Variants in ENTPD1 observed in about 807,000 individuals in gnomAD.
ENTPD1 encodes the protein ATP diphosphohydrolase.
A neutral mutation model predicts 57.0 loss-of-function variants in ENTPD1; 33 were observed. That is an observed-to-expected ratio of 0.58 (90% CI 0.44 to 0.77). ENTPD1 has a LOEUF of 0.77. Among genes scored for constraint, ENTPD1 ranks in the 30% least tolerant of loss-of-function variants. ENTPD1 has a pLI of 0.00. For missense variants in ENTPD1, 501 were observed against 603.4 expected, an observed-to-expected ratio of 0.83 and a Z score of 1.78; for synonymous variants, 202 against 218.8, an observed-to-expected ratio of 0.92 and a Z score of 0.68.
chr10:95,726,163 T>C (rs928607462), intron 1 of ENTPD1, among the ~76,000 whole-genome samples: 1 of 152,266 alleles, frequency 6.6e-6, no homozygotes, highest in Non-Finnish European at 1.5e-5. Context: ...CAATTTCTGG[T>C]GCACTGAAAT....
chr10:95,705,277 A>ATGTGTGTG, the ENTPD1 span, among the ~76,000 whole-genome samples: 11,810 of 149,974 alleles, frequency 0.079, 495 homozygotes, highest in South Asian at 0.11. Context: ...CCAGTAGAAA[A>ATGTGTGTG]TGTGTGTGTG....
intron 9 of ENTPD1, among the ~76,000 whole-genome samples, 191 bp downstream of exon 9, chr10:95,865,052 C>T (rs992910524): frequency 6.6e-6 from 1 of 152,174 alleles, no homozygotes; most frequent in African/African-American, 2.4e-5. Context: ...TGTGAGCATC[C>T]TCGCTAAGGA....
Position 95,845,478 on chromosome 10 carries a change from C to A in ENTPD1, c.695C>A (p.Ser232Tyr). Residue 232 changes from serine (S) to tyrosine (Y), a missense_variant, in exon 6 of 10, where the codon TCC becomes TAC. Transcript: ENST00000371205. ...GTACCCCAAAACCAGACTATCGAGT[C>A]CCCAGATAATGCTCTGCAATTTCGC... ...TFVPQNQTIESPDNALQFRLY... is the reference protein window; with the variant it reads ...TFVPQNQTIEYPDNALQFRLY... The A allele has an allele frequency of 6.2e-7, 1 of 1,614,186 alleles. No individual in the cohort carries two copies. The highest frequency in any genetic ancestry group is 1.3e-5 in the African/African-American group (1 of 75,046).
chr10:95,774,008 T>A (rs2098124802), intron 1 of ENTPD1, among the ~76,000 whole-genome samples: 1 of 152,238 alleles, frequency 6.6e-6, no homozygotes, highest in Non-Finnish European at 1.5e-5. Context: ...GTTTCCTGAC[T>A]TTTTAATGAT....
At chr10:95,830,551 A>G (rs1398302800) in intron 2 of ENTPD1, among the ~76,000 whole-genome samples, 1 of 152,158 alleles carries the variant, frequency 6.6e-6, no homozygotes, top group Non-Finnish European at 1.5e-5. Flanking sequence ...CACTCCTGTA[A>G]TCCCAGCATT....
chr10:95,767,829 C>T (rs532790764), intron 1 of ENTPD1, among the ~76,000 whole-genome samples: 1 of 152,174 alleles, frequency 6.6e-6, no homozygotes, highest in African/African-American at 2.4e-5. Flanking sequence ...TTGAATATGT[C>T]CCCCCAAAAG....
intron 1 of ENTPD1, among the ~76,000 whole-genome samples, chr10:95,806,867 C>T (rs1035175311): frequency 2.0e-5 from 3 of 151,642 alleles, no homozygotes; most frequent in Non-Finnish European, 4.4e-5. Context: ...GCTGCCTGAT[C>T]CTTCCTCTGG....
Position 95,873,470 on chromosome 10 carries a change from G to A in ENTPD1, c.*7087G>A. The A allele has an allele frequency of 1.0e-6, 1 of 985,486 alleles. No individual in the cohort carries two copies. The highest frequency in any genetic ancestry group is 1.2e-6 in the Non-Finnish European group (1 of 830,008). 61.0% of individuals were successfully genotyped at this position (985,486 alleles called of 1,614,324 possible). A position where few individuals can be genotyped will look rare whatever the true frequency, so the allele number is the denominator to read the frequency against. The stretch of plus-strand genomic sequence containing the variant: ...AAGAGGGATTTCTTCCAGCTCTCTT[G>A]CCCTGGTCTTCAGTGTATTAGATGT... On this transcript the variant is annotated 3_prime_UTR_variant, in exon 10 of 10. Coordinates refer to ENST00000371205, the MANE Select transcript of ENTPD1 (RefSeq NM_001776.6).
At chr10:95,864,444 G>C (rs1416755903) in intron 8 of ENTPD1, among the ~76,000 whole-genome samples, 1 of 152,190 alleles carries the variant, frequency 6.6e-6, no homozygotes, top group Non-Finnish European at 1.5e-5. Context: ...TAGTGTTTCA[G>C]AACCTACTAG....
rs142329357 is a variant in ENTPD1, at chr10:95,837,956, T to TCACACACACACA, written c.145-1719_145-1708dup. On this transcript the variant is annotated intron_variant, in intron 2 of 9. Coordinates refer to ENST00000371205, the MANE Select transcript of ENTPD1 (RefSeq NM_001776.6). The stretch of plus-strand genomic sequence containing the variant: ...ACCTAGCTTATATATGTAGGGAGAT[T>TCACACACACACA]CACACACACACACACACACACACAC... 2.2e-3 allele frequency among the ~76,000 whole-genome samples: 330 copies of TCACACACACACA among 146,924 alleles called. 1 individual carries two copies. The highest frequency in any genetic ancestry group is 3.7e-3 in the Admixed American group (54 of 14,696).
intron 1 of ENTPD1, chr10:95,785,059 C>T (rs2098173635): frequency 6.6e-6 from 1 of 152,010 alleles, no homozygotes; most frequent in Non-Finnish European, 1.5e-5. Context: ...GGCAGAGCAG[C>T]AGCCCAAATG....
chr10:95,843,655 T>TA (rs2098426979), intron 4 of ENTPD1, among the ~76,000 whole-genome samples: 3 of 152,154 alleles, frequency 2.0e-5, no homozygotes, highest in Admixed American at 2.0e-4. Context: ...GAGTTTATCT[T>TA]AGAGATAGTA....
At chr10:95,809,660 C>T (rs1197444243) in intron 1 of ENTPD1, among the ~76,000 whole-genome samples, 1 of 147,756 alleles carries the variant, frequency 6.8e-6, no homozygotes, top group Non-Finnish European at 1.5e-5. Flanking sequence ...AGAGGTGCTC[C>T]CCACCTCCCA....
chr10:95,871,348 C>G lies in ENTPD1; in HGVS notation c.*4965C>G. 1.0e-6 allele frequency: 1 copy of G among 985,386 alleles called. No homozygotes were observed. Among genetic ancestry groups the G allele is most frequent in the Non-Finnish European group, 1.2e-6 (1 of 829,876 alleles). 61.0% of individuals were successfully genotyped at this position (985,386 alleles called of 1,614,324 possible). ...AAAAATGTCATTACTTCTAAGACAT[C>G]ATCAGTCTGCAACTTCTTTCCATAG... On this transcript the variant is annotated 3_prime_UTR_variant, in exon 10 of 10. Coordinates refer to ENST00000371205, the MANE Select transcript of ENTPD1 (RefSeq NM_001776.6).
At chr10:95,758,634 C>G (rs2098041412) in intron 1 of ENTPD1, among the ~76,000 whole-genome samples, 1 of 152,138 alleles carries the variant, frequency 6.6e-6, no homozygotes, top group African/African-American at 2.4e-5. Context: ...TCTGTATTCA[C>G]CTTTAGATCT....
intron 1 of ENTPD1, chr10:95,756,547 C>T (rs2098025523): frequency 2.3e-6 from 1 of 427,184 alleles, no homozygotes; most frequent in Non-Finnish European, 4.2e-6. Context: ...ATGACTTTTT[C>T]AGTCCCCTTG....
intron 2 of ENTPD1, among the ~76,000 whole-genome samples, chr10:95,830,999 C>G (rs2098394962): frequency 6.6e-6 from 1 of 152,090 alleles, no homozygotes; most frequent in African/African-American, 2.4e-5. Flanking sequence ...CTGCCATGGT[C>G]TAGGCAAGGC....
Position 95,868,974 on chromosome 10 carries a change from G to T in ENTPD1, c.*2591G>T. The T allele has an allele frequency of 5.1e-6, 5 of 985,328 alleles. No homozygotes were observed. The highest frequency in any genetic ancestry group is 6.0e-6 in the Non-Finnish European group (5 of 829,906). 61.0% of individuals were successfully genotyped at this position (985,328 alleles called of 1,614,324 possible). A position where few individuals can be genotyped will look rare whatever the true frequency, so the allele number is the denominator to read the frequency against. The stretch of plus-strand genomic sequence containing the variant: ...CCCCAATTATTTTGGCAGGAAGGTT[G>T]GTTTAGAGGCAGATCCAGCAATCTG... On this transcript the variant is annotated 3_prime_UTR_variant, in exon 10 of 10. Transcript: ENST00000371205.
intron 1 of ENTPD1, among the ~76,000 whole-genome samples, chr10:95,819,922 C>A (rs2098343152): frequency 6.6e-6 from 1 of 152,310 alleles, no homozygotes; most frequent in East Asian, 1.9e-4. Flanking sequence ...CTGTTATCCA[C>A]AAGGCAAATT....
Sources: allele counts gnomAD v4.1 joint callset (sites outside exome capture counted in the v4.1 genomes callset), GRCh38; gene constraint gnomAD v4.1.1; transcripts MANE v1.5; gene names NCBI Gene and HGNC (gene_info 2026-07-23, HGNC 2026-07-21).